STK32B: variants seen among roughly 807,000 people sequenced by gnomAD.
STK32B encodes serine/threonine kinase 32B.
Under a neutral mutation model 52.6 loss-of-function variants are expected in STK32B, and 43 were observed. The ratio of observed to expected loss-of-function variants is 0.82; its 90% CI spans 0.64 to 1.05. STK32B has a LOEUF of 1.05. Ranked by LOEUF, STK32B falls within the 50% of genes least tolerant of loss-of-function variation. The probability of loss-of-function intolerance (pLI) is 0.00; values close to 1 mark genes in which losing one functional copy is unlikely to be tolerated. For synonymous variants in STK32B, 238 were observed against 204.3 expected, an observed-to-expected ratio of 1.17 and a Z score of -1.41; for missense variants, 621 against 534.6, an observed-to-expected ratio of 1.16 and a Z score of -1.59.
intron 11 of STK32B, among the ~76,000 whole-genome samples, chr4:5,483,404 G>C (rs527729156): frequency 6.6e-6 from 1 of 152,120 alleles, no homozygotes; most frequent in African/African-American, 2.4e-5. Context: ...TCTGATGGTA[G>C]CTTGTATTTC....
rs182954643 is a variant in STK32B, at chr4:5,062,581, C to G, written c.52+10666C>G. ...GAGTGCAGTGGCACAATCTCAGCTC[C>G]CATTGCAAGCTCCGCCTCCCAGGTT... On this transcript the variant is annotated intron_variant, in intron 1 of 11. Transcript: ENST00000282908. Among the ~76,000 whole-genome samples the G allele has an allele frequency of 1.4e-3, 209 of 152,148 alleles. 1 individual carries two copies. The highest frequency in any genetic ancestry group is 4.1e-3 in the Admixed American group (63 of 15,282).
At chr4:5,304,302 A>G (rs955166735) in intron 3 of STK32B, among the ~76,000 whole-genome samples, 5 of 152,044 alleles carry the variant, frequency 3.3e-5, no homozygotes, top group African/African-American at 4.8e-5. Flanking sequence ...GATTATACCC[A>G]TCTATGAGCA....
chr4:5,169,645 G>A (rs1280972411), intron 3 of STK32B, among the ~76,000 whole-genome samples: 1 of 152,136 alleles, frequency 6.6e-6, no homozygotes, highest in Non-Finnish European at 1.5e-5. Flanking sequence ...TGGAGTCTCA[G>A]TATCCACCGA....
chr4:5,272,079 T>C (rs1274160474), intron 3 of STK32B, among the ~76,000 whole-genome samples: 5 of 147,832 alleles, frequency 3.4e-5, no homozygotes, highest in Non-Finnish European at 5.9e-5. Flanking sequence ...CCCTGTCTTG[T>C]GCCAGTTTTC....
chr4:5,032,476 C>CAAAAAAAAAAAAAAAAAAA, the STK32B span, among the ~76,000 whole-genome samples: 2 of 49,688 alleles, frequency 4.0e-5, no homozygotes, highest in African/African-American at 8.2e-5. Context: ...GACTCCATCT[C>CAAAAAAAAAAAAAAAAAAA]AAAAAAAAAA....
At chr4:5,102,465 CTT>C (rs1237765250) in intron 1 of STK32B, among the ~76,000 whole-genome samples, 9 of 128,680 alleles carry the variant, frequency 7.0e-5, no homozygotes, top group African/African-American at 2.7e-4. Context: ...TCCTTCCTTC[CTT>C]CCTTCCTTCC....
At chr4:5,382,687 C>T (rs1030525164) in intron 4 of STK32B, among the ~76,000 whole-genome samples, 2 of 152,110 alleles carry the variant, frequency 1.3e-5, no homozygotes, top group Non-Finnish European at 2.9e-5. Flanking sequence ...TCTCTTCTCC[C>T]GAGCAAGGTT....
the STK32B span, among the ~76,000 whole-genome samples, chr4:5,026,320 T>A: frequency 3.1e-4 from 47 of 152,308 alleles, no homozygotes; most frequent in African/African-American, 1.1e-3. Context: ...ATTAGTCCAA[T>A]CTCATGTATT....
intron 1 of STK32B, among the ~76,000 whole-genome samples, chr4:5,117,073 A>G (rs1714771494): frequency 6.6e-6 from 1 of 152,222 alleles, no homozygotes; most frequent in Admixed American, 6.5e-5. Context: ...TATATAAGAT[A>G]TATGTCATGT....
chr4:5,144,216 C>G (rs534640470), intron 2 of STK32B, among the ~76,000 whole-genome samples: 1 of 152,256 alleles, frequency 6.6e-6, no homozygotes, highest in Non-Finnish European at 1.5e-5. Flanking sequence ...AACAAGGATT[C>G]AAATGCCATT....
chr4:5,420,788 A>G (rs1205036419), intron 6 of STK32B, among the ~76,000 whole-genome samples: 1 of 152,228 alleles, frequency 6.6e-6, no homozygotes, highest in Non-Finnish European at 1.5e-5. Context: ...CCTCCTCTGT[A>G]TTCCTACCGA....
At chr4:5,061,633 C>G (rs1742221657) in intron 1 of STK32B, among the ~76,000 whole-genome samples, 1 of 152,150 alleles carries the variant, frequency 6.6e-6, no homozygotes, top group Non-Finnish European at 1.5e-5. Flanking sequence ...GGCATCTGTG[C>G]TATAGGTGAT....
At chr4:5,136,373 G>T (rs897241112) in intron 1 of STK32B, among the ~76,000 whole-genome samples, 2 of 59,694 alleles carry the variant, frequency 3.4e-5, no homozygotes, top group Non-Finnish European at 7.1e-5. Context: ...TTTTAGCGGT[G>T]TAACCCTTTG....
At chr4:5,224,553 A>G (rs1477838840) in intron 3 of STK32B, among the ~76,000 whole-genome samples, 5 of 152,108 alleles carry the variant, frequency 3.3e-5, no homozygotes, top group Non-Finnish European at 7.3e-5. Context: ...TTGATATCAC[A>G]TATTTGCTGC....
intron 1 of STK32B, among the ~76,000 whole-genome samples, chr4:5,138,495 G>A (rs28715485): frequency 0.011 from 1,722 of 152,046 alleles, 34 homozygotes; most frequent in African/African-American, 0.038. Context: ...CAGGAGTTGT[G>A]TTTGGCACTA....
intron 1 of STK32B, among the ~76,000 whole-genome samples, chr4:5,084,461 GA>G (rs1021462278): frequency 5.9e-5 from 9 of 152,110 alleles, no homozygotes; most frequent in East Asian, 3.9e-4. Flanking sequence ...TTGAAGACAT[GA>G]AAAAAATGAT....
At chr4:5,182,091 G>T (rs1269957014) in intron 3 of STK32B, among the ~76,000 whole-genome samples, 1 of 152,184 alleles carries the variant, frequency 6.6e-6, no homozygotes, top group Non-Finnish European at 1.5e-5. Context: ...TCCATCTTCA[G>T]AAACTACTTT....
intron 3 of STK32B, among the ~76,000 whole-genome samples, chr4:5,196,334 G>GTTTTTTTT (rs35605834): frequency 1.1e-3 from 97 of 87,644 alleles, no homozygotes; most frequent in African/African-American, 2.6e-3. Context: ...TCTTTCTTCA[G>GTTTTTTTT]TTTTTTTTTT....
intron 1 of STK32B, among the ~76,000 whole-genome samples, chr4:5,075,473 G>A (rs1297430867): frequency 6.6e-6 from 1 of 151,952 alleles, no homozygotes; most frequent in Non-Finnish European, 1.5e-5. Context: ...CTGTGTTTTT[G>A]ATTTTTTAAA....
Sources: gnomAD v4.1 joint callset for allele counts (sites outside exome capture counted in the v4.1 genomes callset) on GRCh38, gnomAD v4.1.1 for gene constraint, MANE v1.5 for transcripts, NCBI Gene and HGNC (gene_info 2026-07-23, HGNC 2026-07-21) for gene names.